Variants in UFM1 observed in about 807,000 individuals in gnomAD.
UFM1 encodes ubiquitin fold modifier 1, also known as ubiquitin-fold modifier 1.
Under a neutral mutation model 15.4 loss-of-function variants are expected in UFM1, and 9 were observed. The observed-to-expected ratio is 0.59, with a 90% confidence interval of 0.35 to 1.02. The LOEUF (loss-of-function observed/expected upper bound fraction) is 1.02. Among genes scored for constraint, UFM1 ranks in the 50% least tolerant of loss-of-function variants. UFM1 has a pLI of 0.02. For synonymous variants in UFM1, 27 were observed against 36.3 expected (o/e 0.74, Z 0.92); for missense variants, 98 against 104.7 (o/e 0.94, Z 0.28).
rs1445348121 is a variant in UFM1, at chr13:38,362,032, C to G, written c.*1254C>G. On this transcript the variant is annotated 3_prime_UTR_variant, in exon 6 of 6. Transcript: ENST00000239878. Reference sequence around the variant, plus strand: ...TAAGGGAAGATTTTATTTGCCCTTCCGGAAGAAATCAGTATCTATGCAAAT... The same window carrying G: ...TAAGGGAAGATTTTATTTGCCCTTCGGGAAGAAATCAGTATCTATGCAAAT... The G allele has an allele frequency of 1.3e-5, 2 of 152,090 alleles. No individual in the cohort carries two copies. Among genetic ancestry groups the G allele is most frequent in the South Asian group, 2.1e-4 (1 of 4,836 alleles). The allele number at this position is 152,090 out of a possible 1,614,324, so 9.4% of individuals were successfully genotyped here.
At chr13:38,360,153 C>A in intron 5 of UFM1, 1 of 282,636 alleles carries the variant, frequency 3.5e-6, no homozygotes, top group South Asian at 3.2e-5. Context: ...TATTGAAAAT[C>A]GTGAGGCACT....
rs1254134565 is a variant in UFM1, at chr13:38,363,149, T to C, written c.*2371T>C. On this transcript the variant is annotated 3_prime_UTR_variant, in exon 6 of 6. Transcript: ENST00000239878. ...AGTTTATAGTCATCTGCCACAGACATAGTAGTGATGTTTCGTCCAACAACA... is the reference window on the plus strand; with the variant it reads ...AGTTTATAGTCATCTGCCACAGACACAGTAGTGATGTTTCGTCCAACAACA... The C allele has an allele frequency of 1.3e-5, 2 of 152,204 alleles. No individual in the cohort carries two copies. Among genetic ancestry groups the C allele is most frequent in the African/African-American group, 4.8e-5 (2 of 41,446 alleles). The allele number at this position is 152,204 out of a possible 1,614,324, so 9.4% of individuals were successfully genotyped here. A position where few individuals can be genotyped will look rare whatever the true frequency, so the allele number is the denominator to read the frequency against.
intron 3 of UFM1, among the ~76,000 whole-genome samples, chr13:38,357,377 A>G (rs201529639): frequency 2.6e-5 from 4 of 151,972 alleles, no homozygotes; most frequent in Admixed American, 6.6e-5. Context: ...AAATTGATGG[A>G]TAAGTCCTAA....
intron 2 of UFM1, chr13:38,350,307 T>C: frequency 7.0e-7 from 1 of 1,423,424 alleles, no homozygotes; most frequent in South Asian, 1.2e-5. Context: ...ATTAGTGACC[T>C]CCCCTCGGAA....
Position 38,357,893 on chromosome 13 carries a change from G to A in UFM1, c.118-200G>A, listed in dbSNP as rs570302208. Among the ~76,000 whole-genome samples, 69 of 151,902 alleles carry A rather than the reference G, an allele frequency of 4.5e-4. 1 individual carries two copies. The South Asian group carries it at 0.014, about 30-fold the overall frequency. ...GGTTGGTCTTGCTGTCTCAGGAGTAGCGGAGGCAGAAGAAAATCTGCATAT... is the reference window on the plus strand; with the variant it reads ...GGTTGGTCTTGCTGTCTCAGGAGTAACGGAGGCAGAAGAAAATCTGCATAT... On this transcript the variant is annotated intron_variant, in intron 3 of 5. Coordinates refer to ENST00000239878, the MANE Select transcript of UFM1 (RefSeq NM_016617.4).
rs750631146 is a variant in UFM1 at position 38,350,046 on chromosome 13, C to G, written c.50C>G (p.Pro17Arg). The G allele has an allele frequency of 2.6e-5, 42 of 1,614,104 alleles. No individual in the cohort carries two copies. Among genetic ancestry groups the G allele is most frequent in the South Asian group, 3.3e-5 (3 of 91,092 alleles). Residue 17 changes from proline (P) to arginine (R), a missense_variant, in exon 2 of 6, where the codon CCG (proline) becomes CGG (arginine). Physicochemically the swap from Pro to Arg is moderately radical, Grantham distance 103. Transcript: ENST00000239878. ...ACGCTGACGTCGGACCCACGGCTGC[C>G]GTACAAAGTGTGAGTAGCTCGGCCG... The part of the protein sequence containing the change: ...KITLTSDPRL[P>R]YKVLSVPEST...
Position 38,349,941 on chromosome 13 carries a change from C to T in UFM1, c.2+20C>T. 6.2e-7 allele frequency: 1 copy of T among 1,614,012 alleles called. No individual in the cohort carries two copies. Among genetic ancestry groups the T allele is most frequent in the Non-Finnish European group, 8.5e-7 (1 of 1,179,888 alleles). The stretch of plus-strand genomic sequence containing the variant: ...CACCATGTAAGTGTTTGCTTACCGA[C>T]TGCCATAATTCCTGGTCCAGCTGCC... On this transcript the variant is annotated intron_variant, in intron 1 of 5. Coordinates refer to ENST00000239878, the MANE Select transcript of UFM1 (RefSeq NM_016617.4).
intron 4 of UFM1, among the ~76,000 whole-genome samples, chr13:38,358,495 T>C (rs772380959): frequency 3.3e-5 from 5 of 151,888 alleles, no homozygotes; most frequent in Non-Finnish European, 7.4e-5. Flanking sequence ...ATACCTTTCC[T>C]GATAGAAAAT....
chr13:38,357,561 A>G (rs904616327), intron 3 of UFM1, among the ~76,000 whole-genome samples: 3 of 151,426 alleles, frequency 2.0e-5, no homozygotes, highest in Non-Finnish European at 4.4e-5. Context: ...TTGACCCTTG[A>G]ATAACGTGGG....
chr13:38,350,267 C>T, intron 2 of UFM1: 2 of 1,562,554 alleles, frequency 1.3e-6, no homozygotes, highest in Non-Finnish European at 1.7e-6. Flanking sequence ...GGCAGCTTGG[C>T]CCCGTCACGA....
intron 2 of UFM1, among the ~76,000 whole-genome samples, chr13:38,351,799 T>C (rs1230192259): frequency 6.6e-6 from 1 of 152,198 alleles, no homozygotes; most frequent in East Asian, 1.9e-4. Context: ...TGAATGAATT[T>C]AGTAGGTACA....
intron 2 of UFM1, among the ~76,000 whole-genome samples, chr13:38,353,168 T>C (rs1878937851): frequency 6.6e-6 from 1 of 152,176 alleles, no homozygotes; most frequent in Non-Finnish European, 1.5e-5. Flanking sequence ...TGAAAACTGG[T>C]ACCATATGCT....
intron 3 of UFM1, among the ~76,000 whole-genome samples, chr13:38,355,464 A>G (rs1879052060): frequency 6.6e-6 from 1 of 151,984 alleles, no homozygotes; most frequent in African/African-American, 2.4e-5. Flanking sequence ...CAAATTCCAG[A>G]TTTAAGAAGT....
At position 38,362,636 on chromosome 13, in the gene UFM1, C is replaced by T. The variant is rs956604575; in HGVS notation, c.*1858C>T. The T allele has an allele frequency of 6.6e-6, 1 of 151,600 alleles. No homozygotes were observed. Among genetic ancestry groups the T allele is most frequent in the African/African-American group, 2.4e-5 (1 of 41,272 alleles). 9.4% of individuals were successfully genotyped at this position (151,600 alleles called of 1,614,324 possible). The stretch of plus-strand genomic sequence containing the variant: ...ATAAACAAAATCTGATGTTCAGAGG[C>T]CCCGTTTCTTACAATAAATGTTGAG... On this transcript the variant is annotated 3_prime_UTR_variant, in exon 6 of 6. Transcript: ENST00000239878.
chr13:38,362,453 T>G lies in UFM1; in HGVS notation c.*1675T>G, dbSNP rs1334252337. 3.7e-5 allele frequency: 5 copies of G among 136,390 alleles called. No individual in the cohort carries two copies. In the East Asian group the frequency reaches 1.2e-3, roughly 33 times the overall value. The allele number at this position is 136,390 out of a possible 1,614,324, so 8.4% of individuals were successfully genotyped here. ...CTGATGTTTGAGGAAGTTTTTATTTTTATTTATTTGTTTTGTTTTTTTTTT... is the reference window on the plus strand; with the variant it reads ...CTGATGTTTGAGGAAGTTTTTATTTGTATTTATTTGTTTTGTTTTTTTTTT... On this transcript the variant is annotated 3_prime_UTR_variant, in exon 6 of 6. Coordinates refer to ENST00000239878, the MANE Select transcript of UFM1 (RefSeq NM_016617.4).
intron 2 of UFM1, 52 bp from the exon 3 acceptor site, chr13:38,354,187 T>G: frequency 6.3e-7 from 1 of 1,579,406 alleles, no homozygotes; most frequent in Non-Finnish European, 8.7e-7. Flanking sequence ...CAAAGGGGCT[T>G]TTTTAGAAAA....
Position 38,361,010 on chromosome 13 carries a change from A to G in UFM1, c.*232A>G, listed in dbSNP as rs1879354486. On this transcript the variant is annotated 3_prime_UTR_variant, in exon 6 of 6. Coordinates refer to ENST00000239878, the MANE Select transcript of UFM1 (RefSeq NM_016617.4). ...AGATCATAGTCTTTGATGCTACCTC[A>G]CAACACAAACAGGTAGTTCGTTGGG... 8.3e-6 allele frequency: 3 copies of G among 361,654 alleles called. No individual in the cohort carries two copies. Among genetic ancestry groups the G allele is most frequent in the Middle Eastern group, 7.1e-4 (1 of 1,410 alleles). 22.4% of individuals were successfully genotyped at this position (361,654 alleles called of 1,614,324 possible).
chr13:38,358,075 T>TC lies in UFM1; in HGVS notation c.118-18_118-17insC. 7.8e-7 allele frequency: 1 copy of TC among 1,285,618 alleles called. No individual in the cohort carries two copies. Among genetic ancestry groups the TC allele is most frequent in the South Asian group, 1.6e-5 (1 of 62,162 alleles). The allele number at this position is 1,285,618 out of a possible 1,614,324, so 79.6% of individuals were successfully genotyped here. Reference sequence around the variant, plus strand: ...TGTGTGTGTATATATATATATATTTTTTTTTCCTTCTATTTAGTTTAAAGT... The same window carrying TC: ...TGTGTGTGTATATATATATATATTTTCTTTTTCCTTCTATTTAGTTTAAAGT... On this transcript the variant is annotated splice_polypyrimidine_tract_variant and intron_variant, in intron 3 of 5. Transcript: ENST00000239878.
At chr13:38,353,270 G>A (rs901598657) in intron 2 of UFM1, among the ~76,000 whole-genome samples, 4 of 152,090 alleles carry the variant, frequency 2.6e-5, no homozygotes, top group African/African-American at 7.2e-5. Flanking sequence ...CTGGTATTGA[G>A]ACACTTAAGA....
Sources: allele counts gnomAD v4.1 joint callset (sites outside exome capture counted in the v4.1 genomes callset), GRCh38; gene constraint gnomAD v4.1.1; transcripts MANE v1.5; gene names NCBI Gene and HGNC (gene_info 2026-07-23, HGNC 2026-07-21).